Variants in TERT observed in about 807,000 individuals in gnomAD.
The protein encoded by TERT is telomerase catalytic subunit.
Under a neutral mutation model 104.0 loss-of-function variants are expected in TERT, and 42 were observed. That is an observed-to-expected ratio of 0.40 (90% confidence interval 0.32 to 0.52). The LOEUF (loss-of-function observed/expected upper bound fraction) is 0.52. Ranked by LOEUF, TERT falls within the 20% of genes least tolerant of loss-of-function variation. TERT has a pLI of 0.43. For missense variants in TERT, 1,101 were observed against 1,610.3 expected (o/e 0.68, Z 5.41); for synonymous variants, 781 against 725.6 (o/e 1.08, Z -1.23).
In TERT at chr5:1,269,923, G is replaced by C. The variant is rs994410940; in HGVS notation, c.2468+1196C>G. Among the ~76,000 whole-genome samples the C allele has an allele frequency of 2.0e-5, 3 of 152,192 alleles. No individual in the cohort carries two copies. Among genetic ancestry groups the C allele is most frequent in the Non-Finnish European group, 2.9e-5 (2 of 68,034 alleles). On this transcript the variant is annotated intron_variant, in intron 8 of 15. Coordinates refer to ENST00000310581, the MANE Select transcript of TERT (RefSeq NM_198253.3). The surrounding 1 kb of genome is among the most constrained non-coding windows in gnomAD (Gnocchi z 9.0). ...GACAGGACAGACACAGTCACCTCCT[G>C]TCTGTCAGGGCATGAGGACGCAGTC...
At chr5:1,279,698 A>G (rs34227159) in intron 4 of TERT, among the ~76,000 whole-genome samples, 3 of 151,520 alleles carry the variant, frequency 2.0e-5, no homozygotes, top group African/African-American at 2.4e-5. Context: ...CTCACCCCAC[A>G]CTCTCCTCAG....
chr5:1,288,825 CAG>C lies in TERT; in HGVS notation c.1573+4486_1573+4487del, dbSNP rs1750650835. 6.6e-6 allele frequency among the ~76,000 whole-genome samples: 1 copy of C among 152,188 alleles called. No individual in the cohort carries two copies. Among genetic ancestry groups the C allele is most frequent in the Non-Finnish European group, 1.5e-5 (1 of 68,030 alleles). ...CACGTGGTGAGCAAGCCAGGCCCAACAGAGGCAAGCGGACCTGAAGCTGTGGC... is the reference window on the plus strand; with the variant it reads ...CACGTGGTGAGCAAGCCAGGCCCAACAGGCAAGCGGACCTGAAGCTGTGGC... On this transcript the variant is annotated intron_variant, in intron 2 of 15. Transcript: ENST00000310581. This position sits in a 1 kb window ranked among gnomAD's most constrained non-coding sequence, Gnocchi z 5.3.
chr5:1,271,206 T>C lies in TERT; in HGVS notation c.2383-2A>G. 1.2e-6 allele frequency: 2 copies of C among 1,611,694 alleles called. No homozygotes were observed. Among genetic ancestry groups the C allele is most frequent in the Non-Finnish European group, 1.7e-6 (2 of 1,178,670 alleles). On this transcript the variant is annotated splice_acceptor_variant, in intron 7 of 15. Coordinates refer to ENST00000310581, the MANE Select transcript of TERT (RefSeq NM_198253.3). LOFTEE classifies it high-confidence loss of function. ...GCTGGCCTCATTCAGGGAGGAGCTCTGCGAAAGCAGACGGGAGACACATGG... is the reference window on the plus strand; with the variant it reads ...GCTGGCCTCATTCAGGGAGGAGCTCCGCGAAAGCAGACGGGAGACACATGG...
rs1056537704 is a variant in TERT, at chr5:1,269,310, C to G, written c.2469-677G>C. 6.6e-6 allele frequency among the ~76,000 whole-genome samples: 1 copy of G among 152,136 alleles called. No individual in the cohort carries two copies. The highest frequency in any genetic ancestry group is 2.4e-5 in the African/African-American group (1 of 41,424). ...TTCGGGAAGCGCTATAGGTGGTCAC[C>G]TTAAAAAGAGGCTTTCCGGCTGGGC... On this transcript the variant is annotated intron_variant, in intron 8 of 15. Coordinates refer to ENST00000310581, the MANE Select transcript of TERT (RefSeq NM_198253.3). The surrounding 1 kb of genome is among the most constrained non-coding windows in gnomAD (Gnocchi z 9.0).
At chr5:1,273,922 AG>A (rs1749343226) in intron 6 of TERT, among the ~76,000 whole-genome samples, 1 of 152,238 alleles carries the variant, frequency 6.6e-6, no homozygotes, top group African/African-American at 2.4e-5. Flanking sequence ...ATGCAGGTGC[AG>A]CCACAGCACA....
chr5:1,260,003 G>A (rs552656360), intron 12 of TERT, among the ~76,000 whole-genome samples: 20 of 152,184 alleles, frequency 1.3e-4, no homozygotes, highest in African/African-American at 4.6e-4. Flanking sequence ...GAGTGGACGC[G>A]GATGCCCAGA....
At chr5:1,258,764 A>C in intron 12 of TERT, 105 bp from the exon 13 acceptor site, 1 of 1,015,992 alleles carries the variant, frequency 9.8e-7, no homozygotes, top group Non-Finnish European at 1.5e-6. Context: ...AAAGAGGAAC[A>C]TTTTGACAAG....
At chr5:1,277,667 CG>C (rs1458957648) in intron 6 of TERT, among the ~76,000 whole-genome samples, 3 of 100,520 alleles carry the variant, frequency 3.0e-5, no homozygotes, top group Admixed American at 1.1e-4. Flanking sequence ...GCGGTGGGGA[CG>C]GGGGGGTCTC....
chr5:1,294,250 G>A lies in TERT; in HGVS notation c.636C>T (p.Val212=), dbSNP rs762440833. The part of the protein sequence containing the change: ...AWNHSVREAG[V]PLGLPAPGAR... ...CACCCGGGGCTGGCAGGCCCAGGGG[G>A]ACCCCGGCCTCCCTGACGCTATGGT... Residue 212 remains valine (V), a synonymous_variant, in exon 2 of 16, where the codon GTC becomes GTT. Coordinates refer to ENST00000310581, the MANE Select transcript of TERT (RefSeq NM_198253.3). 9 of 1,590,304 alleles carry A rather than the reference G, an allele frequency of 5.7e-6. No individual in the cohort carries two copies. Among genetic ancestry groups the A allele is most frequent in the East Asian group, 2.3e-5 (1 of 44,190 alleles).
Position 1,294,216 on chromosome 5 carries a change from G to C in TERT, c.670C>G (p.Arg224Gly), listed in dbSNP as rs750497661. ...LGLPAPGARR[R>G]GGSASRSLPL... ...AGACTTCGGCTGGCACTGCCCCCGC[G>C]CCTCCTCGCACCCGGGGCTGGCAGG... Residue 224 changes from arginine to glycine, a missense_variant, in exon 2 of 16, where the codon CGC (arginine) becomes GGC (glycine). By Grantham distance (125) the Arg-to-Gly change is moderately radical (BLOSUM62 -2). Coordinates refer to ENST00000310581, the MANE Select transcript of TERT (RefSeq NM_198253.3). 3 of 1,583,606 alleles carry C rather than the reference G, an allele frequency of 1.9e-6. No homozygotes were observed. The highest frequency in any genetic ancestry group is 2.6e-6 in the Non-Finnish European group (3 of 1,170,492).
chr5:1,294,613 G>A lies in TERT; in HGVS notation c.273C>T (p.Arg91=), dbSNP rs2126690718. 1 of 1,595,682 alleles carries A rather than the reference G, an allele frequency of 6.3e-7. No individual in the cohort carries two copies. The highest frequency in any genetic ancestry group is 2.2e-5 in the East Asian group (1 of 44,796). The part of the protein sequence containing the change: ...VARVLQRLCE[R]GAKNVLAFGF... ...CGAAGGCCAGCACGTTCTTCGCGCC[G>A]CGCTCGCACAGCCTCTGCAGCACTC... Residue 91 remains arginine, a synonymous_variant, in exon 2 of 16, where the codon CGC becomes CGT. Coordinates refer to ENST00000310581, the MANE Select transcript of TERT (RefSeq NM_198253.3).
chr5:1,264,226 C>T, intron 11 of TERT, 178 bp downstream of exon 11: 1 of 660,830 alleles, frequency 1.5e-6, no homozygotes, highest in Non-Finnish European at 2.6e-6. Flanking sequence ...CACCCTCACT[C>T]CCACAGAAAG....
At position 1,257,113 on chromosome 5, in the gene TERT, C is replaced by T. The variant is rs887712180; in HGVS notation, c.3032+1485G>A. Among the ~76,000 whole-genome samples, 2 of 152,190 alleles carry T rather than the reference C, an allele frequency of 1.3e-5. No homozygotes were observed. The highest frequency in any genetic ancestry group is 2.9e-5 in the Non-Finnish European group (2 of 68,030). ...CCGTGGCCCATCGCATCTCGGCCTC[C>T]TCAGGGCTACCCAATCAAGCGACTA... On this transcript the variant is annotated intron_variant, in intron 13 of 15. Coordinates refer to ENST00000310581, the MANE Select transcript of TERT (RefSeq NM_198253.3). The surrounding 1 kb of genome is among the most constrained non-coding windows in gnomAD (Gnocchi z 5.6).
In TERT at chr5:1,261,232, T is replaced by G. The variant is rs1395359844; in HGVS notation, c.2844-632A>C. Among the ~76,000 whole-genome samples the G allele has an allele frequency of 6.6e-6, 1 of 152,224 alleles. No individual in the cohort carries two copies. Among genetic ancestry groups the G allele is most frequent in the Non-Finnish European group, 1.5e-5 (1 of 68,044 alleles). ...GGCTCCTGGGGTGTGTTCTTTTACATCCAGCTTTGAACACTGCTACATTGA... is the reference window on the plus strand; with the variant it reads ...GGCTCCTGGGGTGTGTTCTTTTACAGCCAGCTTTGAACACTGCTACATTGA... On this transcript the variant is annotated intron_variant, in intron 11 of 15. Coordinates refer to ENST00000310581, the MANE Select transcript of TERT (RefSeq NM_198253.3). The surrounding 1 kb of genome is among the most constrained non-coding windows in gnomAD (Gnocchi z 7.4).
Position 1,271,010 on chromosome 5 carries a change from T to A in TERT, c.2468+109A>T. On this transcript the variant is annotated intron_variant, in intron 8 of 15. Transcript: ENST00000310581. ...CGGGGGCCAGAAAAGGAGACTCTGG[T>A]GGCCCCGGGCAGAAGGGCAGTGGGG... The A allele has an allele frequency of 4.6e-6, 4 of 873,028 alleles. No homozygotes were observed. In the East Asian group the frequency reaches 1.0e-4, roughly 23 times the overall value. 54.1% of individuals were successfully genotyped at this position (873,028 alleles called of 1,614,324 possible).
intron 2 of TERT, among the ~76,000 whole-genome samples, chr5:1,285,194 T>C (rs1030187072): frequency 3.8e-5 from 3 of 78,822 alleles, no homozygotes; most frequent in African/African-American, 9.7e-5. Flanking sequence ...ACCTCACCCC[T>C]GACCTGCACC....
At chr5:1,276,961 C>T (rs1245814708) in intron 6 of TERT, among the ~76,000 whole-genome samples, 1 of 152,242 alleles carries the variant, frequency 6.6e-6, no homozygotes, top group Non-Finnish European at 1.5e-5. Flanking sequence ...TCACAGTGCA[C>T]GCATGTGATG....
intron 2 of TERT, among the ~76,000 whole-genome samples, chr5:1,291,052 G>A (rs1750892095): frequency 8.1e-6 from 1 of 124,048 alleles, no homozygotes; most frequent in Non-Finnish European, 1.7e-5. Context: ...AGGGACACCC[G>A]GGGACAGTGC....
Position 1,270,253 on chromosome 5 carries a change from A to G in TERT, c.2468+866T>C, listed in dbSNP as rs778347125. Among the ~76,000 whole-genome samples, 1 of 152,216 alleles carries G rather than the reference A, an allele frequency of 6.6e-6. No individual in the cohort carries two copies. Among genetic ancestry groups the G allele is most frequent in the Non-Finnish European group, 1.5e-5 (1 of 68,028 alleles). The stretch of plus-strand genomic sequence containing the variant: ...CATTAGTGATTACTTATAATGCAAT[A>G]ATTAATAGTTATATTTTTAAATAAA... On this transcript the variant is annotated intron_variant, in intron 8 of 15. Transcript: ENST00000310581. This position sits in a 1 kb window ranked among gnomAD's most constrained non-coding sequence, Gnocchi z 8.3.
Sources: allele counts gnomAD v4.1 joint callset (sites outside exome capture counted in the v4.1 genomes callset), GRCh38; gene constraint gnomAD v4.1.1; non-coding constraint Gnocchi (gnomAD v3.1); transcripts MANE v1.5; gene names NCBI Gene and HGNC (gene_info 2026-07-23, HGNC 2026-07-21).